The following ADGRB3 variants were observed in gnomAD, a reference collection of about 807,000 sequenced individuals.
ADGRB3 encodes the protein brain-specific angiogenesis inhibitor 3.
A neutral mutation model predicts 193.4 loss-of-function variants in ADGRB3; 37 were observed. That is an observed-to-expected ratio of 0.19 (90% confidence interval 0.15 to 0.25). The LOEUF is 0.25. Ranked by LOEUF, ADGRB3 falls within the 10% of genes least tolerant of loss-of-function variation. The pLI, the probability that ADGRB3 is intolerant of heterozygous loss-of-function variation, is 1.00. For synonymous variants in ADGRB3, 690 were observed against 644.2 expected (o/e 1.07, Z -1.08); for missense variants, 1,637 against 1,852.9 (o/e 0.88, Z 2.14).
At chr6:68,981,588 T>TA (rs1045615231) in intron 10 of ADGRB3, among the ~76,000 whole-genome samples, 5 of 151,608 alleles carry the variant, frequency 3.3e-5, no homozygotes, top group African/African-American at 1.2e-4. Context: ...AGATAGTAAA[T>TA]ACTTTAGACT....
chr6:69,354,228 C>A lies in ADGRB3; in HGVS notation c.3460-5C>A, dbSNP rs763297550. 6.2e-7 allele frequency: 1 copy of A among 1,610,062 alleles called. No individual in the cohort carries two copies. The highest frequency in any genetic ancestry group is 8.5e-7 in the Non-Finnish European group (1 of 1,176,524). The stretch of plus-strand genomic sequence containing the variant: ...AGAAAATTAATGTGTTCCCCCTCCC[C>A]ACAGGTTCAGGATGCATTTAGATGC... On this transcript the variant is annotated splice_region_variant and splice_polypyrimidine_tract_variant and intron_variant, in intron 26 of 31. Coordinates refer to ENST00000370598, the MANE Select transcript of ADGRB3 (RefSeq NM_001704.3).
At chr6:68,978,053 C>A (rs1047614562) in intron 10 of ADGRB3, among the ~76,000 whole-genome samples, 4 of 151,412 alleles carry the variant, frequency 2.6e-5, no homozygotes, top group African/African-American at 9.7e-5. Context: ...TTGCTATTTA[C>A]AAAATGGAAT....
chr6:68,779,036 C>T (rs1766803601), intron 3 of ADGRB3, among the ~76,000 whole-genome samples: 1 of 151,940 alleles, frequency 6.6e-6, no homozygotes, highest in Non-Finnish European at 1.5e-5. Flanking sequence ...ATCACCTACT[C>T]TCAGCTAAAG....
chr6:68,974,816 A>G lies in ADGRB3; in HGVS notation c.1579A>G (p.Thr527Ala), dbSNP rs761542399. The G allele has an allele frequency of 2.5e-6, 4 of 1,613,910 alleles. No individual in the cohort carries two copies. The highest frequency in any genetic ancestry group is 3.4e-6 in the Non-Finnish European group (4 of 1,179,926). Residue 527 changes from threonine to alanine, a missense_variant, in exon 9 of 32, where the codon ACT becomes GCT. Physicochemically the swap from Thr to Ala is moderately conservative, Grantham distance 58. Around this residue, in one of 7 missense-constraint regions of ADGRB3, gnomAD observed 641 missense variants for 673.9 expected, o/e 0.95. Transcript: ENST00000370598. Reference protein sequence around the residue: ...DYLMSMVWKRTPAGDLAFNQC... With the variant: ...DYLMSMVWKRAPAGDLAFNQC... The stretch of plus-strand genomic sequence containing the variant: ...TCTGATGTCGATGGTGTGGAAAAGA[A>G]CTCCAGCAGGCGACTTGGCATTCAA...
intron 17 of ADGRB3, among the ~76,000 whole-genome samples, chr6:69,215,871 A>G (rs1765763662): frequency 6.6e-6 from 1 of 152,186 alleles, no homozygotes; most frequent in South Asian, 2.1e-4. Flanking sequence ...TTAGGCCCTA[A>G]TAATCCTCAA....
rs67541326 is a variant in ADGRB3, at chr6:69,304,098, T to TA, written c.2815-20766dup. On this transcript the variant is annotated intron_variant, in intron 20 of 31. Coordinates refer to ENST00000370598, the MANE Select transcript of ADGRB3 (RefSeq NM_001704.3). ...TCAACCAAAATACAAGGGTTTTTTT[T>TA]AAAAAAAAGAGGTTATATAATTATT... 4.6e-3 allele frequency among the ~76,000 whole-genome samples: 690 copies of TA among 150,900 alleles called. 3 individuals carry two copies. Among genetic ancestry groups the TA allele is most frequent in the African/African-American group, 0.014 (592 of 41,156 alleles).
chr6:69,144,997 A>C (rs1396146744), intron 17 of ADGRB3, among the ~76,000 whole-genome samples: 1 of 151,754 alleles, frequency 6.6e-6, no homozygotes, highest in African/African-American at 2.4e-5. Context: ...AATTACCCTC[A>C]CATCCTACAT....
chr6:68,981,856 A>C (rs1021245634), intron 10 of ADGRB3, among the ~76,000 whole-genome samples: 15 of 135,882 alleles, frequency 1.1e-4, no homozygotes, highest in East Asian at 8.2e-4. Context: ...TTATTTATTT[A>C]TTTATTTATT....
chr6:69,007,990 A>T lies in ADGRB3; in HGVS notation c.1930-6048A>T, dbSNP rs529469262. ...AAGAGGTGAGGAACCCTGCGTCCTAACATAGTGGAAAACAGAAGGGTGTGT... is the reference window on the plus strand; with the variant it reads ...AAGAGGTGAGGAACCCTGCGTCCTATCATAGTGGAAAACAGAAGGGTGTGT... On this transcript the variant is annotated intron_variant, in intron 11 of 31. Transcript: ENST00000370598. Among the ~76,000 whole-genome samples, 9 of 152,020 alleles carry T rather than the reference A, an allele frequency of 5.9e-5. No homozygotes were observed. The South Asian group carries it at 6.2e-4, about 10-fold the overall frequency.
At chr6:68,801,550 G>T (rs911346679) in intron 3 of ADGRB3, among the ~76,000 whole-genome samples, 1 of 152,052 alleles carries the variant, frequency 6.6e-6, no homozygotes, top group Non-Finnish European at 1.5e-5. Flanking sequence ...ATGGCTGGGT[G>T]TGGTGGCAGG....
At chr6:69,104,580 A>G (rs572238873) in intron 17 of ADGRB3, among the ~76,000 whole-genome samples, 108 of 152,218 alleles carry the variant, frequency 7.1e-4, no homozygotes, top group Admixed American at 1.3e-3. Context: ...ATAAAAATGT[A>G]TAGGCAAATG....
At chr6:68,744,499 A>G (rs1470806861) in intron 3 of ADGRB3, among the ~76,000 whole-genome samples, 2 of 152,192 alleles carry the variant, frequency 1.3e-5, no homozygotes, top group African/African-American at 2.4e-5. Context: ...AAAGCCCATC[A>G]TTGATAGACT....
chr6:69,067,071 A>G (rs2150309588), intron 16 of ADGRB3, among the ~76,000 whole-genome samples: 1 of 152,282 alleles, frequency 6.6e-6, no homozygotes, highest in Middle Eastern at 3.4e-3. Context: ...GAAAATGCAT[A>G]CTTTTTCCAA....
At chr6:69,065,112 G>A (rs931564636) in intron 16 of ADGRB3, among the ~76,000 whole-genome samples, 1 of 152,150 alleles carries the variant, frequency 6.6e-6, no homozygotes, top group Admixed American at 6.5e-5. Context: ...AATTAATTGT[G>A]TCTTTCAGTA....
At chr6:69,224,752 C>A (rs761305399) in intron 17 of ADGRB3, among the ~76,000 whole-genome samples, 3 of 152,064 alleles carry the variant, frequency 2.0e-5, no homozygotes, top group Non-Finnish European at 2.9e-5. Context: ...TCTATTCCCT[C>A]AAATTGTCTG....
chr6:68,904,115 G>A (rs62416438), intron 3 of ADGRB3, among the ~76,000 whole-genome samples: 7 of 63,550 alleles, frequency 1.1e-4, no homozygotes, highest in Non-Finnish European at 1.6e-4. Flanking sequence ...GGAAGGAAGG[G>A]AGGGAGGGAG....
chr6:69,232,702 C>T, intron 17 of ADGRB3: 2 of 1,310,900 alleles, frequency 1.5e-6, no homozygotes, highest in Non-Finnish European at 2.1e-6. Context: ...GCCGCTGCTG[C>T]TGCTTCCCGT....
intron 13 of ADGRB3, among the ~76,000 whole-genome samples, chr6:69,045,901 A>C (rs1182034644): frequency 6.6e-6 from 1 of 152,282 alleles, no homozygotes; most frequent in East Asian, 1.9e-4. Context: ...TTTAATCTAG[A>C]CTATGTTCAA....
At chr6:68,735,627 G>T (rs1169592412) in intron 3 of ADGRB3, among the ~76,000 whole-genome samples, 1 of 151,958 alleles carries the variant, frequency 6.6e-6, no homozygotes, top group African/African-American at 2.4e-5. Context: ...AAGTTTTGAG[G>T]TTATAATGAA....
Sources: gnomAD v4.1 joint callset for allele counts (sites outside exome capture counted in the v4.1 genomes callset) on GRCh38, gnomAD v4.1.1 for gene constraint, gnomAD v4.1.1 regional missense constraint, MANE v1.5 for transcripts, NCBI Gene and HGNC (gene_info 2026-07-23, HGNC 2026-07-21) for gene names.